The following MEIS2 variants were observed in gnomAD, a reference collection of about 807,000 sequenced individuals.
The protein encoded by MEIS2 is Meis homeobox 2.
A neutral mutation model predicts 58.6 loss-of-function variants in MEIS2; 9 were observed. That is an observed-to-expected ratio of 0.15 (90% CI 0.09 to 0.27). MEIS2 has a LOEUF of 0.27. MEIS2 is among the 10% of genes least tolerant of loss of function. The pLI, the probability that MEIS2 is intolerant of heterozygous loss-of-function variation, is 1.00. For synonymous variants in MEIS2, 221 were observed against 228.4 expected (o/e 0.97, Z 0.29); for missense variants, 427 against 635.0 (o/e 0.67, Z 3.52).
intron 7 of MEIS2, among the ~76,000 whole-genome samples, chr15:37,059,673 A>AT (rs934737417): frequency 1.9e-4 from 29 of 151,282 alleles, no homozygotes; most frequent in Non-Finnish European, 2.9e-5. Context: ...GTGATGGCTT[A>AT]TGCTTGTGAT....
At chr15:36,985,584 C>G (rs2060068683) in intron 8 of MEIS2, among the ~76,000 whole-genome samples, 1 of 152,152 alleles carries the variant, frequency 6.6e-6, no homozygotes, top group Non-Finnish European at 1.5e-5. Flanking sequence ...ACAGTCCGCA[C>G]TGCCAATATT....
intron 8 of MEIS2, 30 bp downstream of exon 8, chr15:37,036,784 A>ATTTTTTTTTTTTTT: frequency 2.0e-6 from 3 of 1,479,170 alleles, no homozygotes; most frequent in African/African-American, 2.8e-5. Context: ...AACAAAAACT[A>ATTTTTTTTTTTTTT]TTTTTTTTTT....
At chr15:37,017,687 A>T (rs1178684797) in intron 8 of MEIS2, among the ~76,000 whole-genome samples, 16 of 152,160 alleles carry the variant, frequency 1.1e-4, no homozygotes. Context: ...TAACTAAGAG[A>T]TAGACCAACC....
chr15:37,067,916 C>G (rs1349585790), intron 7 of MEIS2, among the ~76,000 whole-genome samples: 3 of 152,122 alleles, frequency 2.0e-5, no homozygotes, highest in African/African-American at 7.2e-5. Flanking sequence ...GGAACCAAAA[C>G]TAATAAAGCC....
chr15:36,894,497 T>C (rs544282344), intron 11 of MEIS2: 58 of 369,392 alleles, frequency 1.6e-4, no homozygotes, highest in African/African-American at 1.0e-3. Flanking sequence ...CAGTCCCACC[T>C]GCTTAAAACA....
At chr15:36,963,622 C>T (rs1364391599) in intron 8 of MEIS2, among the ~76,000 whole-genome samples, 2 of 152,146 alleles carry the variant, frequency 1.3e-5, no homozygotes, top group Non-Finnish European at 2.9e-5. Flanking sequence ...CCTAACTAGC[C>T]AATTTTGAAA....
At chr15:37,009,626 G>A (rs192837410) in intron 8 of MEIS2, among the ~76,000 whole-genome samples, 1 of 152,136 alleles carries the variant, frequency 6.6e-6, no homozygotes, top group Non-Finnish European at 1.5e-5. Context: ...GAAGAATTAC[G>A]CTTCAAATAT....
rs1260580034 is a variant in MEIS2, at chr15:37,012,493, C to A, written c.900+24321G>T. The stretch of plus-strand genomic sequence containing the variant: ...CTGTTACAAAGTAGTCCACAGGTGA[C>A]GTGTGCCCACAAAAAGGTCCCATGA... On this transcript the variant is annotated intron_variant, in intron 8 of 11. Transcript: ENST00000561208. Among the ~76,000 whole-genome samples, 3 of 152,158 alleles carry A rather than the reference C, an allele frequency of 2.0e-5. No individual in the cohort carries two copies. The East Asian group carries it at 5.8e-4, about 29-fold the overall frequency.
chr15:36,976,523 T>A (rs960327883), intron 8 of MEIS2, among the ~76,000 whole-genome samples: 7 of 149,278 alleles, frequency 4.7e-5, no homozygotes, highest in Non-Finnish European at 8.9e-5. Flanking sequence ...TGTATACTTA[T>A]ACATATATAT....
chr15:36,941,390 A>C (rs968914080), intron 9 of MEIS2, among the ~76,000 whole-genome samples: 3 of 152,112 alleles, frequency 2.0e-5, no homozygotes, highest in African/African-American at 7.2e-5. Context: ...AGATCAAAAC[A>C]ACAACCACAA....
intron 6 of MEIS2, among the ~76,000 whole-genome samples, chr15:37,084,282 C>T (rs1045173203): frequency 1.3e-5 from 2 of 152,004 alleles, no homozygotes; most frequent in Non-Finnish European, 2.9e-5. Flanking sequence ...AAATAGGTCC[C>T]GATGCTCTTG....
intron 8 of MEIS2, among the ~76,000 whole-genome samples, chr15:37,020,035 C>T (rs991224066): frequency 1.1e-4 from 16 of 152,144 alleles, no homozygotes; most frequent in Non-Finnish European, 1.9e-4. Flanking sequence ...CTCAGCTACA[C>T]GCCAGGACTG....
At chr15:36,927,668 G>GTGTTTC (rs1315462514) in intron 9 of MEIS2, among the ~76,000 whole-genome samples, 1 of 151,932 alleles carries the variant, frequency 6.6e-6, no homozygotes, top group Non-Finnish European at 1.5e-5. Context: ...ATGAGAAAAC[G>GTGTTTC]TGTTTCTATT....
At chr15:36,968,746 C>T (rs1259027121) in intron 8 of MEIS2, among the ~76,000 whole-genome samples, 1 of 152,182 alleles carries the variant, frequency 6.6e-6, no homozygotes, top group Non-Finnish European at 1.5e-5. Context: ...ATCTGGGTCA[C>T]ACTTCATTTA....
rs374461726 is a variant in MEIS2 at position 37,063,491 on chromosome 15, C to T, written c.754+20280G>A. Reference sequence around the variant, plus strand: ...GGGAAGTTTCTTAGTCTCTCTAAGCCTCAGTTTTCCCAACTGAAAAACCCA... The same window carrying T: ...GGGAAGTTTCTTAGTCTCTCTAAGCTTCAGTTTTCCCAACTGAAAAACCCA... On this transcript the variant is annotated intron_variant, in intron 7 of 11. Transcript: ENST00000561208. 5.9e-5 allele frequency among the ~76,000 whole-genome samples: 9 copies of T among 152,276 alleles called. No homozygotes were observed. The South Asian group carries it at 1.2e-3, about 21-fold the overall frequency.
intron 8 of MEIS2, among the ~76,000 whole-genome samples, chr15:36,951,524 T>C (rs2058749420): frequency 6.6e-6 from 1 of 152,124 alleles, no homozygotes; most frequent in African/African-American, 2.4e-5. Context: ...ATCTAAGATT[T>C]TATTCTTCAG....
intron 8 of MEIS2, among the ~76,000 whole-genome samples, chr15:37,001,001 C>G (rs2060707183): frequency 6.6e-6 from 1 of 152,166 alleles, no homozygotes; most frequent in South Asian, 2.1e-4. Context: ...ATGACTTCCT[C>G]ACGACCAAAT....
intron 9 of MEIS2, among the ~76,000 whole-genome samples, chr15:36,947,151 T>C (rs1014423240): frequency 6.6e-6 from 1 of 151,924 alleles, no homozygotes; most frequent in East Asian, 1.9e-4. Context: ...AAGTCTTAAT[T>C]AGGTGATTGA....
At chr15:36,965,027 C>T (rs892671200) in intron 8 of MEIS2, among the ~76,000 whole-genome samples, 2 of 152,068 alleles carry the variant, frequency 1.3e-5, no homozygotes, top group African/African-American at 2.4e-5. Context: ...GGTAAAGAAC[C>T]GAACGCAGGA....
Sources: gnomAD v4.1 joint callset for allele counts (sites outside exome capture counted in the v4.1 genomes callset) on GRCh38, gnomAD v4.1.1 for gene constraint, MANE v1.5 for transcripts, NCBI Gene and HGNC (gene_info 2026-07-23, HGNC 2026-07-21) for gene names.